SHF: variants seen among roughly 807,000 people sequenced by gnomAD.
SHF encodes Src homology 2 domain containing F, also known as SH2 domain-containing adapter protein F.
SHF carries 30 observed loss-of-function variants against 42.4 expected under a neutral mutation model. That is an observed-to-expected ratio of 0.71 (90% confidence interval 0.53 to 0.96). SHF has a LOEUF of 0.96. SHF is among the 40% of genes least tolerant of loss of function. SHF has a pLI of 0.00. For missense variants in SHF, 598 were observed against 634.0 expected (o/e 0.94, Z 0.61); for synonymous variants, 264 against 269.9 (o/e 0.98, Z 0.21).
chr15:45,188,847 T>C (rs1453186965), upstream of SHF, among the ~76,000 whole-genome samples: 7 of 152,218 alleles, frequency 4.6e-5, no homozygotes, highest in South Asian at 2.1e-4. Context: ...ACAAACTCCT[T>C]ATCCTCTTGA....
intron 6 of SHF, chr15:45,171,476 G>A (rs1436873574): frequency 5.1e-6 from 1 of 195,546 alleles, no homozygotes; most frequent in Non-Finnish European, 1.1e-5. Context: ...CCTTGCCTAT[G>A]CTTCTAGAAC....
Position 45,172,268 on chromosome 15 carries a change from TCTC to T in SHF, c.1036_1038del (p.Glu346del), listed in dbSNP as rs1391181758. The T allele has an allele frequency of 1.9e-6, 3 of 1,612,634 alleles. No individual in the cohort carries two copies. Among genetic ancestry groups the T allele is most frequent in the African/African-American group, 2.7e-5 (2 of 74,872 alleles). ...GAGAGTCGGGGAGGTAGCCGCCCCT[TCTC>T]CTCCCGGCCAGGTGACAGGCAGCTC... On this transcript the variant is annotated inframe_deletion, in exon 5 of 7. Transcript: ENST00000690270.
exon 2 of SHF, chr15:45,199,006 T>C: frequency 6.2e-7 from 1 of 1,610,722 alleles, no homozygotes; most frequent in East Asian, 2.2e-5. Flanking sequence ...CCGGAGACCC[T>C]TGCCGCGAAC....
In SHF at chr15:45,187,864, G is replaced by C. The variant is rs1484940878; in HGVS notation, c.88C>G (p.Arg30Gly). 2.6e-6 allele frequency: 3 copies of C among 1,134,446 alleles called. No homozygotes were observed. The highest frequency in any genetic ancestry group is 3.3e-6 in the Non-Finnish European group (3 of 912,418). The allele number at this position is 1,134,446 out of a possible 1,614,324, so 70.3% of individuals were successfully genotyped here. ...SAGGGPGGSR[R>G]GAGGAGAGPG... Reference sequence around the variant, plus strand: ...CCGGCTCCCGCACCCCCGGCGCCCCGGCGGGACCCCCCCGGGCCGCCCCCA... The same window carrying C: ...CCGGCTCCCGCACCCCCGGCGCCCCCGCGGGACCCCCCCGGGCCGCCCCCA... Residue 30 changes from arginine to glycine, a missense_variant, in exon 1 of 7, where the codon CGG becomes GGG. Arg to Gly is a moderately radical substitution (Grantham distance 125, BLOSUM62 -2). Around this residue, in one of 2 missense-constraint regions of SHF, gnomAD observed 159 missense variants for 109.3 expected, o/e 1.45. Transcript: ENST00000690270.
At chr15:45,177,789 A>C (rs1261206721) in intron 2 of SHF, among the ~76,000 whole-genome samples, 1 of 152,052 alleles carries the variant, frequency 6.6e-6, no homozygotes, top group Non-Finnish European at 1.5e-5. Flanking sequence ...CACCCACTGT[A>C]ACTGTATTTC....
At chr15:45,190,271 T>G (rs961657328), upstream of SHF, among the ~76,000 whole-genome samples, 4 of 152,174 alleles carry the variant, frequency 2.6e-5, no homozygotes, top group African/African-American at 9.7e-5. Context: ...TTAAATTGAC[T>G]AATGGTGCAA....
upstream of SHF, among the ~76,000 whole-genome samples, chr15:45,192,422 C>T (rs1342884208): frequency 1.6e-5 from 2 of 125,422 alleles, no homozygotes; most frequent in African/African-American, 3.2e-5. Flanking sequence ...GGCTGGAGTG[C>T]AGTGGTGCAA....
intron 1 of SHF, chr15:45,200,385 T>C (rs552403880): frequency 5.3e-5 from 11 of 208,142 alleles, no homozygotes; most frequent in African/African-American, 2.0e-4. Flanking sequence ...TAAAACAAAC[T>C]CCCCTTGCCG....
chr15:45,200,375 T>C (rs959260043), intron 1 of SHF: 1 of 206,748 alleles, frequency 4.8e-6, no homozygotes, highest in Admixed American at 5.1e-5. Flanking sequence ...ATTGGTACAA[T>C]AAAACAAACT....
In SHF at chr15:45,178,103, C is replaced by T. The variant is rs575581851; in HGVS notation, c.640+62G>A. 3.1e-4 allele frequency: 489 copies of T among 1,555,150 alleles called. 4 individuals are homozygous for T. The South Asian group carries it at 5.0e-3, about 16-fold the overall frequency. On this transcript the variant is annotated intron_variant, in intron 2 of 6. Transcript: ENST00000690270. ...AGAATCAGTCCTTAGACTTGTGAGTCGCAAAGCCTGTTCTGCAGAGCCCAG... is the reference window on the plus strand; with the variant it reads ...AGAATCAGTCCTTAGACTTGTGAGTTGCAAAGCCTGTTCTGCAGAGCCCAG...
intron 1 of SHF, among the ~76,000 whole-genome samples, chr15:45,182,346 T>C (rs1898171609): frequency 6.6e-6 from 1 of 152,234 alleles, no homozygotes; most frequent in African/African-American, 2.4e-5. Context: ...ACCTCTGTCT[T>C]TTTATCTGTA....
intron 2 of SHF, among the ~76,000 whole-genome samples, chr15:45,194,048 G>A (rs1270940223): frequency 1.4e-5 from 2 of 145,410 alleles, no homozygotes; most frequent in Non-Finnish European, 3.0e-5. Flanking sequence ...GTTGCTATGA[G>A]CCAAGATCGT....
chr15:45,199,186 T>G, intron 1 of SHF: 1 of 1,223,942 alleles, frequency 8.2e-7, no homozygotes, highest in Non-Finnish European at 1.1e-6. Flanking sequence ...CAACACCCAC[T>G]TCCTTCCAGC....
At chr15:45,191,106 C>T (rs945896899), upstream of SHF, among the ~76,000 whole-genome samples, 14 of 152,108 alleles carry the variant, frequency 9.2e-5, no homozygotes, top group African/African-American at 3.1e-4. Context: ...ACTCTCTTAC[C>T]CAGGCTGGAA....
intron 1 of SHF, among the ~76,000 whole-genome samples, chr15:45,183,646 G>A (rs899984651): frequency 1.3e-5 from 2 of 152,238 alleles, no homozygotes; most frequent in Non-Finnish European, 2.9e-5. Flanking sequence ...GGCTTGTTCA[G>A]CCTAGCCAGT....
chr15:45,198,842 T>G, exon 2 of SHF: 2 of 1,614,028 alleles, frequency 1.2e-6, no homozygotes. Flanking sequence ...GTTGCTTTTC[T>G]TCTTCTGTTT....
rs989220436 is a variant in SHF at position 45,198,686 on chromosome 15, G to T, written c.303+86C>A. 5 of 1,503,322 alleles carry T rather than the reference G, an allele frequency of 3.3e-6. No individual in the cohort carries two copies. In the African/African-American group the frequency reaches 6.9e-5, roughly 21 times the overall value. The allele number at this position is 1,503,322 out of a possible 1,614,324, so 93.1% of individuals were successfully genotyped here. A position where few individuals can be genotyped will look rare whatever the true frequency, so the allele number is the denominator to read the frequency against. On this transcript the variant is annotated intron_variant, in intron 2 of 7. Transcript: ENST00000290894. ...CACTATACGATCACGGCGAGCTACC[G>T]GGGACCCGTAGGGGTTGGCTTCTGA...
At chr15:45,195,930 CT>C (rs1156332873) in intron 2 of SHF, among the ~76,000 whole-genome samples, 2 of 152,098 alleles carry the variant, frequency 1.3e-5, no homozygotes, top group African/African-American at 4.8e-5. Flanking sequence ...CACATATGCA[CT>C]TTGTTTGTTG....
upstream of SHF, among the ~76,000 whole-genome samples, chr15:45,189,909 A>G (rs1249001540): frequency 1.3e-5 from 2 of 152,086 alleles, no homozygotes; most frequent in Non-Finnish European, 2.9e-5. Context: ...TTGAGGTGGG[A>G]GAATTGCTTG....
Sources: allele counts gnomAD v4.1 joint callset (sites outside exome capture counted in the v4.1 genomes callset), GRCh38; gene constraint gnomAD v4.1.1; regional missense constraint gnomAD v4.1.1; transcripts MANE v1.5; gene names NCBI Gene and HGNC (gene_info 2026-07-23, HGNC 2026-07-21).